Variants in IL6R observed in about 807,000 individuals in gnomAD.
IL6R encodes the protein interleukin-6 receptor subunit alpha.
In IL6R, 38 loss-of-function variants were observed where a neutral mutation model predicts 48.3. That is an observed-to-expected ratio of 0.79 (90% CI 0.61 to 1.03). The LOEUF is 1.03. Among genes scored for constraint, IL6R ranks in the 50% least tolerant of loss-of-function variants. IL6R has a pLI of 0.00. For synonymous variants in IL6R, 264 were observed against 256.2 expected (o/e 1.03, Z -0.29); for missense variants, 534 against 618.3 (o/e 0.86, Z 1.45).
At chr1:154,450,508 A>G (rs1349729980) in intron 8 of IL6R, among the ~76,000 whole-genome samples, 1 of 152,252 alleles carries the variant, frequency 6.6e-6, no homozygotes, top group Admixed American at 6.5e-5. Flanking sequence ...AAAGTGGGAC[A>G]AATCACTTCG....
intron 9 of IL6R, among the ~76,000 whole-genome samples, chr1:154,456,514 A>G (rs1454768419): frequency 6.6e-6 from 1 of 152,072 alleles, no homozygotes; most frequent in African/African-American, 2.4e-5. Flanking sequence ...GCCTCAAGAT[A>G]TATTTTAGAG....
At position 154,405,811 on chromosome 1, in the gene IL6R, G is replaced by A. The variant is rs997381672; in HGVS notation, c.85+97G>A. 28 of 926,560 alleles carry A rather than the reference G, an allele frequency of 3.0e-5. No homozygotes were observed. Among genetic ancestry groups the A allele is most frequent in the Non-Finnish European group, 3.9e-5 (26 of 660,012 alleles). 57.4% of individuals were successfully genotyped at this position (926,560 alleles called of 1,614,324 possible). A position where few individuals can be genotyped will look rare whatever the true frequency, so the allele number is the denominator to read the frequency against. On this transcript the variant is annotated intron_variant, in intron 1 of 9. Transcript: ENST00000368485. The surrounding 1 kb of genome is among the most constrained non-coding windows in gnomAD (Gnocchi z 5.2). The stretch of plus-strand genomic sequence containing the variant: ...TCTGTGGGAGGCTGGAGGGAGGAAA[G>A]GAGGTGCGACGGATCCCCTTTTCTG...
At chr1:154,428,136 A>G (rs1689077530) in intron 1 of IL6R, among the ~76,000 whole-genome samples, 1 of 152,168 alleles carries the variant, frequency 6.6e-6, no homozygotes, top group Admixed American at 6.6e-5. Context: ...GGTTGGGCTA[A>G]TTTTTATCTT....
chr1:154,407,904 G>A (rs1242728423), intron 1 of IL6R, among the ~76,000 whole-genome samples: 1 of 152,156 alleles, frequency 6.6e-6, no homozygotes, highest in Non-Finnish European at 1.5e-5. Context: ...TGCAATGCAA[G>A]AAAATACACA....
intron 6 of IL6R, among the ~76,000 whole-genome samples, chr1:154,436,414 G>A (rs1689633344): frequency 6.6e-6 from 1 of 152,192 alleles, no homozygotes; most frequent in Admixed American, 6.5e-5. Context: ...GGAGGCGGAG[G>A]TTGCAGTGAG....
chr1:154,416,280 A>ACAC (rs1324312832), intron 1 of IL6R, among the ~76,000 whole-genome samples: 1 of 151,732 alleles, frequency 6.6e-6, no homozygotes, highest in Non-Finnish European at 1.5e-5. Flanking sequence ...CAGGTGCATG[A>ACAC]CACCATGACT....
At chr1:154,420,969 C>T (rs1011283075) in intron 1 of IL6R, among the ~76,000 whole-genome samples, 74 of 152,256 alleles carry the variant, frequency 4.9e-4, no homozygotes, top group African/African-American at 1.6e-3. Context: ...TGAGGAGGAG[C>T]TTGGGGGTTT....
At chr1:154,437,389 G>A (rs749596012) in intron 6 of IL6R, 6 of 350,560 alleles carry the variant, frequency 1.7e-5, no homozygotes, top group Admixed American at 3.1e-5. Flanking sequence ...GAGTCACTGT[G>A]CCCGGTCGGA....
At chr1:154,462,546 G>T (rs911071283) in intron 9 of IL6R, among the ~76,000 whole-genome samples, 1 of 151,538 alleles carries the variant, frequency 6.6e-6, no homozygotes, top group Non-Finnish European at 1.5e-5. Context: ...GCTAATTTTT[G>T]TATTTTTTAA....
In IL6R at chr1:154,467,470, G is replaced by A. The variant is rs1486283073; in HGVS notation, c.*2090G>A. On this transcript the variant is annotated 3_prime_UTR_variant, in exon 10 of 10. Transcript: ENST00000368485. ...CATCACCAGACAGGTGCGAAAGGAT[G>A]AAAGTGACCATGTTTTGTTTACGGT... The A allele has an allele frequency of 6.6e-6, 1 of 152,240 alleles. No homozygotes were observed. Among genetic ancestry groups the A allele is most frequent in the Non-Finnish European group, 1.5e-5 (1 of 68,056 alleles). The allele number at this position is 152,240 out of a possible 1,614,324, so 9.4% of individuals were successfully genotyped here. A position where few individuals can be genotyped will look rare whatever the true frequency, so the allele number is the denominator to read the frequency against.
At position 154,444,231 on chromosome 1, in the gene IL6R, G is replaced by T. The variant is rs542218305; in HGVS notation, c.950-3894G>T. Among the ~76,000 whole-genome samples the T allele has an allele frequency of 6.0e-5, 8 of 133,864 alleles. No individual in the cohort carries two copies. The East Asian group carries it at 1.7e-3, about 28-fold the overall frequency. The allele number at this position is 133,864 out of a possible 152,430, so 87.8% of individuals were successfully genotyped here. On this transcript the variant is annotated intron_variant, in intron 6 of 9. Transcript: ENST00000368485. ...AGCTTTTTTTTTTTTTTTTTGAAACGGAGTTTCGCTCTTGTTGCCTAGGCT... is the reference window on the plus strand; with the variant it reads ...AGCTTTTTTTTTTTTTTTTTGAAACTGAGTTTCGCTCTTGTTGCCTAGGCT...
chr1:154,417,837 C>T (rs977588571), intron 1 of IL6R, among the ~76,000 whole-genome samples: 2 of 150,058 alleles, frequency 1.3e-5, no homozygotes, highest in Non-Finnish European at 3.0e-5. Flanking sequence ...CGGTTTCAAG[C>T]GATTCTCCTG....
In IL6R at chr1:154,405,531, C is replaced by A; in HGVS notation, c.-99C>A. 1 of 292,368 alleles carries A rather than the reference C, an allele frequency of 3.4e-6. No individual in the cohort carries two copies. The highest frequency in any genetic ancestry group is 6.6e-6 in the Non-Finnish European group (1 of 152,598). 18.1% of individuals were successfully genotyped at this position (292,368 alleles called of 1,614,324 possible). A position where few individuals can be genotyped will look rare whatever the true frequency, so the allele number is the denominator to read the frequency against. ...GCCCCCGGGGCCTGAGCCCGCCTGCCCGCCCACCGCCCCGCCCCGCCCCTG... is the reference window on the plus strand; with the variant it reads ...GCCCCCGGGGCCTGAGCCCGCCTGCACGCCCACCGCCCCGCCCCGCCCCTG... On this transcript the variant is annotated 5_prime_UTR_variant, in exon 1 of 10. Transcript: ENST00000368485. The surrounding 1 kb of genome is among the most constrained non-coding windows in gnomAD (Gnocchi z 5.2).
chr1:154,422,506 C>T (rs754753551), intron 1 of IL6R, among the ~76,000 whole-genome samples: 10 of 152,114 alleles, frequency 6.6e-5, no homozygotes, highest in Non-Finnish European at 1.3e-4. Context: ...GAAGGAGTGC[C>T]AGTGCATTGT....
chr1:154,430,997 G>A (rs776898906), intron 3 of IL6R, among the ~76,000 whole-genome samples: 12 of 152,302 alleles, frequency 7.9e-5, no homozygotes, highest in South Asian at 2.1e-4. Flanking sequence ...GATTATGGGC[G>A]TTGCTCTGAA....
chr1:154,414,126 G>A (rs1287577162), intron 1 of IL6R, among the ~76,000 whole-genome samples: 6 of 151,936 alleles, frequency 3.9e-5, no homozygotes, highest in Non-Finnish European at 8.8e-5. Flanking sequence ...CAAAGTGCTG[G>A]GATTACAGGT....
intron 9 of IL6R, among the ~76,000 whole-genome samples, chr1:154,460,016 C>T (rs1416031894): frequency 2.0e-5 from 3 of 152,144 alleles, no homozygotes; most frequent in Non-Finnish European, 4.4e-5. Context: ...TGGCTGGGTG[C>T]AGTGGGCACT....
chr1:154,445,234 C>T, intron 6 of IL6R: 2 of 379,936 alleles, frequency 5.3e-6, no homozygotes, highest in African/African-American at 2.1e-5. Context: ...CCTTGCTCAG[C>T]ACGCAGGAGC....
chr1:154,456,150 A>T (rs1404882159), intron 9 of IL6R, among the ~76,000 whole-genome samples: 1 of 151,964 alleles, frequency 6.6e-6, no homozygotes, highest in Non-Finnish European at 1.5e-5. Context: ...TGGGCAAGAG[A>T]TAATAATAAA....
Sources: allele counts gnomAD v4.1 joint callset (sites outside exome capture counted in the v4.1 genomes callset), GRCh38; gene constraint gnomAD v4.1.1; non-coding constraint Gnocchi (gnomAD v3.1); transcripts MANE v1.5; gene names NCBI Gene and HGNC (gene_info 2026-07-23, HGNC 2026-07-21).